Variants in LIPH observed in about 807,000 individuals in gnomAD.
LIPH encodes lipase H, also known as lipase member H.
Under a neutral mutation model 47.6 loss-of-function variants are expected in LIPH, and 32 were observed. That is an observed-to-expected ratio of 0.67 (90% CI 0.51 to 0.90). The LOEUF is 0.90. Among genes scored for constraint, LIPH ranks in the 40% least tolerant of loss-of-function variants. The probability of loss-of-function intolerance (pLI) is 0.00; values close to 1 mark genes in which losing one functional copy is unlikely to be tolerated. For missense variants in LIPH, 497 were observed against 541.4 expected, an observed-to-expected ratio of 0.92 and a Z score of 0.81; for synonymous variants, 190 against 195.6, an observed-to-expected ratio of 0.97 and a Z score of 0.24.
Position 185,534,338 on chromosome 3 carries a change from GA to G in LIPH, c.417+426del, listed in dbSNP as rs537605134. 2.6e-3 allele frequency among the ~76,000 whole-genome samples: 386 copies of G among 150,794 alleles called. 1 individual carries two copies. Among genetic ancestry groups the G allele is most frequent in the African/African-American group, 9.0e-3 (369 of 41,076 alleles). On this transcript the variant is annotated intron_variant, in intron 2 of 9. Transcript: ENST00000296252. ...ACCACTGCACTCCAGCCTGGTGACA[GA>G]ACGAGATTCCGTCTCAAAAAAAAAA...
In LIPH at chr3:185,511,670, G is replaced by A. The variant is rs1719570325; in HGVS notation, c.1122C>T (p.His374=). The part of the protein sequence containing the change: ...NHEPTTFQKY[H]QVSLLARFNQ... Reference sequence around the variant, plus strand: ...TAAATCTTGCAAGTAGACTCACTTGGTGATATTTCTGAAATGTGGTGGGTT... The same window carrying A: ...TAAATCTTGCAAGTAGACTCACTTGATGATATTTCTGAAATGTGGTGGGTT... Residue 374 remains histidine, a synonymous_variant, in exon 9 of 10, where the codon CAC becomes CAT. Coordinates refer to ENST00000296252, the MANE Select transcript of LIPH (RefSeq NM_139248.3). 6.2e-7 allele frequency: 1 copy of A among 1,613,114 alleles called. No homozygotes were observed. Among genetic ancestry groups the A allele is most frequent in the African/African-American group, 1.3e-5 (1 of 74,992 alleles).
At position 185,524,030 on chromosome 3, in the gene LIPH, T is replaced by C. The variant is rs781373158; in HGVS notation, c.718+41A>G. ...AGCCACCATGCACAGCCTCCAAATA[T>C]GCCTTTTTATACCACTATTTTACAA... On this transcript the variant is annotated intron_variant, in intron 5 of 9. Transcript: ENST00000296252. 1.3e-5 allele frequency: 18 copies of C among 1,379,394 alleles called. No homozygotes were observed. In the Admixed American group the frequency reaches 2.7e-4, roughly 21 times the overall value. 85.4% of individuals were successfully genotyped at this position (1,379,394 alleles called of 1,614,324 possible).
intron 1 of LIPH, among the ~76,000 whole-genome samples, chr3:185,549,042 A>G (rs1171357061): frequency 6.6e-6 from 1 of 151,926 alleles, no homozygotes; most frequent in African/African-American, 2.4e-5. Flanking sequence ...TGAGGCAGAG[A>G]ATTGCTTGAA....
chr3:185,542,577 A>G (rs935746689), intron 1 of LIPH, among the ~76,000 whole-genome samples: 1 of 152,002 alleles, frequency 6.6e-6, no homozygotes, highest in African/African-American at 2.4e-5. Flanking sequence ...TCAGCCTCCC[A>G]AAGTGCTGGG....
chr3:185,548,653 G>A (rs2148967277), intron 1 of LIPH, among the ~76,000 whole-genome samples: 1 of 152,154 alleles, frequency 6.6e-6, no homozygotes, highest in Non-Finnish European at 1.5e-5. Context: ...CTTGAACCTG[G>A]GAGGCAGAGG....
intron 9 of LIPH, among the ~76,000 whole-genome samples, chr3:185,511,077 A>G (rs1719547080): frequency 6.6e-6 from 1 of 151,730 alleles, no homozygotes; most frequent in African/African-American, 2.4e-5. Flanking sequence ...TTTTGTTTTT[A>G]TTTTGAGATA....
At chr3:185,528,611 G>T (rs1243071342) in intron 3 of LIPH, among the ~76,000 whole-genome samples, 1 of 152,102 alleles carries the variant, frequency 6.6e-6, no homozygotes, top group African/African-American at 2.4e-5. Flanking sequence ...TTGAACTCTT[G>T]GTTTCACTGC....
chr3:185,511,395 T>C, intron 9 of LIPH, 129 bp downstream of exon 9: 2 of 890,562 alleles, frequency 2.2e-6, no homozygotes, highest in Non-Finnish European at 3.7e-6. Flanking sequence ...AAAACTATTT[T>C]TGGAAAACCC....
chr3:185,552,311 G>A (rs549244292), intron 1 of LIPH, 112 bp downstream of exon 1: 5 of 655,848 alleles, frequency 7.6e-6, no homozygotes, highest in East Asian at 2.9e-5. Flanking sequence ...CCTTAAAAAC[G>A]ACTCTATGGA....
At chr3:185,529,978 G>GAAAGAAAGAAAGAAAGAA (rs796497732) in intron 3 of LIPH, among the ~76,000 whole-genome samples, 8 of 99,038 alleles carry the variant, frequency 8.1e-5, no homozygotes, top group Non-Finnish European at 9.3e-5. Flanking sequence ...AAGAAAGAAA[G>GAAAGAAAGAAAGAAAGAA]AGAGAGAGAG....
At chr3:185,534,371 G>A (rs1377488582) in intron 2 of LIPH, among the ~76,000 whole-genome samples, 3 of 151,128 alleles carry the variant, frequency 2.0e-5, no homozygotes, top group Non-Finnish European at 3.0e-5. Context: ...AAAAAAAGAA[G>A]TTGAGGAAGC....
At chr3:185,513,006 T>G (rs775025495) in intron 8 of LIPH, among the ~76,000 whole-genome samples, 5 of 152,092 alleles carry the variant, frequency 3.3e-5, no homozygotes, top group Admixed American at 1.3e-4. Context: ...ACGTGCAAAG[T>G]GATCCTGGAA....
At chr3:185,516,291 G>C (rs188857071) in intron 7 of LIPH, among the ~76,000 whole-genome samples, 45 of 151,020 alleles carry the variant, frequency 3.0e-4, no homozygotes, top group African/African-American at 9.4e-4. Context: ...AAATTAGCCA[G>C]GCATGGTGAT....
At chr3:185,513,217 G>T (rs1719624599) in intron 8 of LIPH, among the ~76,000 whole-genome samples, 1 of 151,966 alleles carries the variant, frequency 6.6e-6, no homozygotes, top group Non-Finnish European at 1.5e-5. Flanking sequence ...GCTCACGCTT[G>T]TAGTCTCAGC....
intron 1 of LIPH, among the ~76,000 whole-genome samples, chr3:185,551,585 T>A (rs1721050610): frequency 6.6e-6 from 1 of 152,198 alleles, no homozygotes; most frequent in South Asian, 2.1e-4. Flanking sequence ...GCAAGTAATA[T>A]AGTTAGACTT....
At chr3:185,525,214 A>G (rs907227579) in intron 4 of LIPH, among the ~76,000 whole-genome samples, 5 of 152,116 alleles carry the variant, frequency 3.3e-5, no homozygotes, top group African/African-American at 1.2e-4. Flanking sequence ...CCTGTCTTAA[A>G]AAATAATAAT....
intron 9 of LIPH, among the ~76,000 whole-genome samples, chr3:185,510,614 C>T (rs1454588774): frequency 6.6e-6 from 1 of 152,144 alleles, no homozygotes; most frequent in East Asian, 1.9e-4. Flanking sequence ...GGTACAGTGG[C>T]TCATGCCTGT....
chr3:185,528,312 A>AAAAGAAAG (rs1366398271), intron 3 of LIPH, among the ~76,000 whole-genome samples: 6 of 94,444 alleles, frequency 6.4e-5, no homozygotes, highest in African/African-American at 1.3e-4. Context: ...GATGAGGAAG[A>AAAAGAAAG]AAGAAAGAAA....
At chr3:185,551,855 A>G (rs1481999221) in intron 1 of LIPH, among the ~76,000 whole-genome samples, 1 of 152,096 alleles carries the variant, frequency 6.6e-6, no homozygotes, top group Non-Finnish European at 1.5e-5. Flanking sequence ...ATTATCTGGT[A>G]CATTAGGGTT....
Sources: allele counts gnomAD v4.1 joint callset (sites outside exome capture counted in the v4.1 genomes callset), GRCh38; gene constraint gnomAD v4.1.1; transcripts MANE v1.5; gene names NCBI Gene and HGNC (gene_info 2026-07-23, HGNC 2026-07-21).